The following ELMO1 variants were observed in gnomAD, a reference collection of about 807,000 sequenced individuals.
ELMO1 encodes engulfment and cell motility 1, also known as engulfment and cell motility protein 1.
Under a neutral mutation model 98.9 loss-of-function variants are expected in ELMO1, and 26 were observed. That is an observed-to-expected ratio of 0.26 (90% CI 0.19 to 0.36). The LOEUF is 0.36. Among genes scored for constraint, ELMO1 ranks in the 10% least tolerant of loss-of-function variants. ELMO1 has a pLI of 1.00. For synonymous variants in ELMO1, 346 were observed against 346.0 expected (o/e 1.00, Z 0.00); for missense variants, 627 against 935.2 (o/e 0.67, Z 4.30).
chr7:37,161,691 T>C (rs1029185265), intron 13 of ELMO1, among the ~76,000 whole-genome samples: 15 of 151,624 alleles, frequency 9.9e-5, no homozygotes, highest in Non-Finnish European at 1.3e-4. Context: ...AGCACTGTAC[T>C]TTGAGTATTC....
rs538004627 is a variant in ELMO1 at position 36,853,905 on chromosome 7, C to T, written c.*1646G>A. On this transcript the variant is annotated 3_prime_UTR_variant, in exon 22 of 22. Transcript: ENST00000310758. ...TGGGCTCTGACCTATAATTTATTAA[C>T]CCACGGTTAGATTTATTTAGTTCTG... is the stretch of plus-strand genomic sequence containing the variant. Among the ~76,000 whole-genome samples, 3 of 152,292 alleles carry T rather than the reference C, an allele frequency of 2.0e-5. No homozygotes were observed. The highest frequency in any genetic ancestry group is 7.2e-5 in the African/African-American group (3 of 41,560).
intron 16 of ELMO1, among the ~76,000 whole-genome samples, chr7:36,943,414 G>T (rs1355471620): frequency 5.3e-5 from 8 of 152,116 alleles, no homozygotes; most frequent in Admixed American, 5.2e-4. Flanking sequence ...AGGGCCACTG[G>T]CCTCTCCTTG....
intron 13 of ELMO1, among the ~76,000 whole-genome samples, chr7:37,189,048 G>A (rs931708883): frequency 6.6e-6 from 1 of 152,178 alleles, no homozygotes; most frequent in Non-Finnish European, 1.5e-5. Context: ...AGCTGTAGGT[G>A]TATTTGCTGT....
intron 6 of ELMO1, among the ~76,000 whole-genome samples, chr7:37,250,675 C>T (rs1795293937): frequency 1.3e-5 from 2 of 151,706 alleles, no homozygotes. Context: ...GCCTGTAGTC[C>T]CAGCTACTCT....
At chr7:36,995,004 C>T (rs1466482920) in intron 16 of ELMO1, among the ~76,000 whole-genome samples, 4 of 152,178 alleles carry the variant, frequency 2.6e-5, no homozygotes, top group African/African-American at 9.7e-5. Flanking sequence ...CACCACTGCT[C>T]AGACCACACC....
chr7:36,897,325 C>CGTGTGT (rs11267559), intron 16 of ELMO1, among the ~76,000 whole-genome samples: 733 of 46,998 alleles, frequency 0.016, 4 homozygotes, highest in Non-Finnish European at 0.03. Context: ...AGAAAACAGA[C>CGTGTGT]GTGTGTGTGT....
chr7:37,115,080 T>C (rs1400647925), intron 14 of ELMO1, among the ~76,000 whole-genome samples: 1 of 152,188 alleles, frequency 6.6e-6, no homozygotes, highest in East Asian at 1.9e-4. Context: ...GAGACCTATA[T>C]CTATTAAAGG....
At chr7:37,150,374 T>G (rs1453911622) in intron 13 of ELMO1, among the ~76,000 whole-genome samples, 1 of 151,786 alleles carries the variant, frequency 6.6e-6, no homozygotes, top group African/African-American at 2.4e-5. Flanking sequence ...CTTGCCCACA[T>G]TCACACAATC....
chr7:37,121,197 A>T (rs1786007073), intron 14 of ELMO1, among the ~76,000 whole-genome samples: 1 of 152,206 alleles, frequency 6.6e-6, no homozygotes, highest in South Asian at 2.1e-4. Context: ...GAAAAACTGA[A>T]AATTCTAAAA....
At chr7:37,390,069 A>G (rs1382589508) in intron 1 of ELMO1, among the ~76,000 whole-genome samples, 1 of 152,150 alleles carries the variant, frequency 6.6e-6, no homozygotes, top group Non-Finnish European at 1.5e-5. Context: ...CAAAAGAACA[A>G]GAAATGTCTG....
At position 37,182,790 on chromosome 7, in the gene ELMO1, T is replaced by C. The variant is rs565725046; in HGVS notation, c.1086+28596A>G. Among the ~76,000 whole-genome samples the C allele has an allele frequency of 4.6e-5, 7 of 152,246 alleles. No homozygotes were observed. In the East Asian group the frequency reaches 1.2e-3, roughly 25 times the overall value. On this transcript the variant is annotated intron_variant, in intron 13 of 21. Transcript: ENST00000310758. The stretch of plus-strand genomic sequence containing the variant: ...CTCTGGGCAGGTTACTTAACCTCAG[T>C]ATAGTATTTTTAGATATAAAACCAG...
At chr7:36,890,631 C>A (rs1344248547) in intron 17 of ELMO1, among the ~76,000 whole-genome samples, 1 of 152,172 alleles carries the variant, frequency 6.6e-6, no homozygotes, top group Non-Finnish European at 1.5e-5. Context: ...AAATGGATCT[C>A]ATTTTCAGTA....
intron 1 of ELMO1, among the ~76,000 whole-genome samples, chr7:37,445,405 A>G (rs1478168359): frequency 2.0e-5 from 3 of 152,186 alleles, no homozygotes; most frequent in Non-Finnish European, 2.9e-5. Flanking sequence ...AATTGTATCC[A>G]CTGTCTTAGA....
intron 16 of ELMO1, among the ~76,000 whole-genome samples, chr7:36,947,448 A>G (rs1426465579): frequency 6.6e-6 from 1 of 152,066 alleles, no homozygotes; most frequent in East Asian, 1.9e-4. Flanking sequence ...ATCACAACCT[A>G]TCAACCACCC....
chr7:37,309,098 G>A (rs948729975), intron 4 of ELMO1, among the ~76,000 whole-genome samples: 1 of 152,156 alleles, frequency 6.6e-6, no homozygotes, highest in Non-Finnish European at 1.5e-5. Context: ...TGCTAATAAA[G>A]ACATACCTGA....
chr7:37,341,616 C>A (rs2700991), intron 2 of ELMO1, among the ~76,000 whole-genome samples: 121,738 of 152,128 alleles, frequency 0.8, 49,011 homozygotes, highest in Non-Finnish European at 0.86. Flanking sequence ...TGAGCTGACC[C>A]GTATAATTCA....
intron 16 of ELMO1, among the ~76,000 whole-genome samples, chr7:36,970,094 CTT>C (rs1789785590): frequency 6.6e-6 from 1 of 151,922 alleles, no homozygotes; most frequent in Non-Finnish European, 1.5e-5. Context: ...ATTATCCACT[CTT>C]GATAGCATTG....
intron 1 of ELMO1, among the ~76,000 whole-genome samples, chr7:37,409,135 A>G (rs1163011194): frequency 6.6e-6 from 1 of 151,678 alleles, no homozygotes; most frequent in South Asian, 2.1e-4. Context: ...TGCAAGTGAA[A>G]AAAAAAAAAA....
chr7:37,005,107 C>CAAAAAAAAAAAAAAAAAAAAAAAA (rs35665315), intron 16 of ELMO1, among the ~76,000 whole-genome samples: 1 of 38,290 alleles, frequency 2.6e-5, no homozygotes, highest in Non-Finnish European at 6.2e-5. Flanking sequence ...GGCTCTGTCT[C>CAAAAAAAAAAAAAAAAAAAAAAAA]AAAAAAAAAA....
Sources: allele counts gnomAD v4.1 joint callset (sites outside exome capture counted in the v4.1 genomes callset), GRCh38; gene constraint gnomAD v4.1.1; transcripts MANE v1.5; gene names NCBI Gene and HGNC (gene_info 2026-07-23, HGNC 2026-07-21).